The following SMPD3 variants were observed in gnomAD, a reference collection of about 807,000 sequenced individuals.
SMPD3 encodes the protein sphingomyelin phosphodiesterase 3.
A neutral mutation model predicts 55.7 loss-of-function variants in SMPD3; 21 were observed. The ratio of observed to expected loss-of-function variants is 0.38; its 90% CI spans 0.27 to 0.54. SMPD3 has a LOEUF of 0.54. SMPD3 is among the 20% of genes least tolerant of loss of function. The pLI is 0.80. For synonymous variants in SMPD3, 457 were observed against 404.3 expected (o/e 1.13, Z -1.56); for missense variants, 842 against 899.6 (o/e 0.94, Z 0.82).
chr16:68,402,275 G>T (rs978530796), intron 1 of SMPD3, among the ~76,000 whole-genome samples: 1 of 152,146 alleles, frequency 6.6e-6, no homozygotes, highest in African/African-American at 2.4e-5. Context: ...TATAAAATGG[G>T]GAAGGTATGT....
rs896508073 is a variant in SMPD3 at position 68,359,607 on chromosome 16, C to T, written c.*1599G>A. The T allele has an allele frequency of 6.5e-6, 1 of 152,778 alleles. No homozygotes were observed. The highest frequency in any genetic ancestry group is 2.4e-5 in the African/African-American group (1 of 41,462). 9.5% of individuals were successfully genotyped at this position (152,778 alleles called of 1,614,324 possible). ...ACAAGGCACAGCATCAGGGCACCAG[C>T]ACCAGGAGGGGCTGACAGCAGACAG... On this transcript the variant is annotated 3_prime_UTR_variant, in exon 9 of 9. Coordinates refer to ENST00000219334, the MANE Select transcript of SMPD3 (RefSeq NM_018667.4).
chr16:68,437,574 T>A (rs1456403296), intron 1 of SMPD3, among the ~76,000 whole-genome samples: 1 of 152,196 alleles, frequency 6.6e-6, no homozygotes, highest in Admixed American at 6.5e-5. Flanking sequence ...TCTGGAATCC[T>A]AGCATGACTT....
At chr16:68,431,465 C>T (rs1018201324) in intron 1 of SMPD3, among the ~76,000 whole-genome samples, 4 of 152,222 alleles carry the variant, frequency 2.6e-5, no homozygotes, top group Admixed American at 6.5e-5. Context: ...GTCTTGCTGG[C>T]GATTGTATCA....
chr16:68,428,273 G>A (rs2090452650), intron 1 of SMPD3, among the ~76,000 whole-genome samples: 1 of 152,184 alleles, frequency 6.6e-6, no homozygotes, highest in Admixed American at 6.5e-5. Flanking sequence ...GGAAGCAGAG[G>A]GCAATAAACC....
chr16:68,413,070 C>T (rs973749229), intron 1 of SMPD3, among the ~76,000 whole-genome samples: 3 of 152,328 alleles, frequency 2.0e-5, no homozygotes, highest in Middle Eastern at 6.8e-3. Flanking sequence ...TCACCCTTGG[C>T]GTGGCTCAAG....
Position 68,361,253 on chromosome 16 carries a change from G to C in SMPD3, c.1921C>G (p.Pro641Ala), listed in dbSNP as rs745876293. The C allele has an allele frequency of 5.0e-6, 8 of 1,613,360 alleles. No individual in the cohort carries two copies. The South Asian group carries it at 8.8e-5, about 18-fold the overall frequency. The stretch of plus-strand genomic sequence containing the variant: ...GACACCATCAGTCGCATGGCTACTG[G>C]CAGGTGGTCCGTCAGGCCGGACAGC... ...TQLSGLTDHL[P>A]VAMRLMVSSG... is the part of the protein sequence containing the mutation. Residue 641 changes from proline to alanine, a missense_variant, in exon 9 of 9, where the codon CCA becomes GCA. Physicochemically the swap from Pro to Ala is conservative, Grantham distance 27. Around this residue, in one of 2 missense-constraint regions of SMPD3, gnomAD observed 649 missense variants for 643.6 expected, o/e 1.01. Coordinates refer to ENST00000219334, the MANE Select transcript of SMPD3 (RefSeq NM_018667.4).
At chr16:68,408,286 A>G (rs1031754153) in intron 1 of SMPD3, among the ~76,000 whole-genome samples, 7 of 152,230 alleles carry the variant, frequency 4.6e-5, no homozygotes, top group Non-Finnish European at 1.0e-4. Context: ...TGGAAAGACA[A>G]TGAAAAAGCT....
At chr16:68,379,767 C>T (rs955686892) in intron 2 of SMPD3, among the ~76,000 whole-genome samples, 2 of 152,200 alleles carry the variant, frequency 1.3e-5, no homozygotes, top group African/African-American at 2.4e-5. Context: ...ATTACTGCAC[C>T]GTGTGATTTC....
chr16:68,427,590 T>G (rs968308903), intron 1 of SMPD3, among the ~76,000 whole-genome samples: 1 of 152,236 alleles, frequency 6.6e-6, no homozygotes, highest in Non-Finnish European at 1.5e-5. Flanking sequence ...TAATTTAATC[T>G]TATTTATTTA....
chr16:68,364,199 C>T (rs1037022708), intron 5 of SMPD3, among the ~76,000 whole-genome samples: 9 of 152,350 alleles, frequency 5.9e-5, no homozygotes, highest in African/African-American at 1.9e-4. Context: ...TTATTTACAG[C>T]AAGTGTTTGC....
At chr16:68,419,982 CTTTT>C (rs34861442) in intron 1 of SMPD3, among the ~76,000 whole-genome samples, 47 of 140,378 alleles carry the variant, frequency 3.3e-4, no homozygotes, top group East Asian at 4.2e-4. Context: ...ATAGCTATTG[CTTTT>C]TTTTTTTTTT....
At chr16:68,398,634 C>T (rs2090180820) in intron 1 of SMPD3, among the ~76,000 whole-genome samples, 2 of 152,134 alleles carry the variant, frequency 1.3e-5, no homozygotes, top group Admixed American at 6.5e-5. Context: ...CAAAATTATC[C>T]CATAAATTGC....
chr16:68,403,336 G>C (rs765583874), intron 1 of SMPD3, among the ~76,000 whole-genome samples: 10 of 152,152 alleles, frequency 6.6e-5, no homozygotes, highest in Non-Finnish European at 1.2e-4. Context: ...TGTTGGATCT[G>C]TGACACCAAG....
Position 68,371,387 on chromosome 16 carries a change from G to T in SMPD3, c.795C>A (p.Gly265=). Residue 265 remains glycine (G), a synonymous_variant, in exon 3 of 9, where the codon GGC becomes GGA. Coordinates refer to ENST00000219334, the MANE Select transcript of SMPD3 (RefSeq NM_018667.4). The part of the protein sequence containing the change: ...PPEADDPVPG[G]QARNGAGGGP... ...CCCCGCCAGCTCCGTTCCTGGCCTG[G>T]CCCCCAGGCACAGGGTCGTCAGCTT... 6.4e-7 allele frequency: 1 copy of T among 1,567,566 alleles called. No individual in the cohort carries two copies.
At chr16:68,401,205 C>T (rs2090202398) in intron 1 of SMPD3, among the ~76,000 whole-genome samples, 1 of 152,196 alleles carries the variant, frequency 6.6e-6, no homozygotes. Context: ...TGCGTCTCAC[C>T]CCTTTTCTGC....
At chr16:68,428,052 A>G (rs1294104863) in intron 1 of SMPD3, among the ~76,000 whole-genome samples, 1 of 151,132 alleles carries the variant, frequency 6.6e-6, no homozygotes, top group Non-Finnish European at 1.5e-5. Context: ...TAGACTTCCC[A>G]TGAGCTATGT....
intron 1 of SMPD3, among the ~76,000 whole-genome samples, chr16:68,397,569 G>T (rs139847121): frequency 2.0e-5 from 3 of 152,124 alleles, no homozygotes; most frequent in African/African-American, 7.2e-5. Context: ...TACCCTCCCC[G>T]CTGAGAACTC....
intron 2 of SMPD3, among the ~76,000 whole-genome samples, chr16:68,374,000 G>A (rs1040517844): frequency 2.0e-5 from 3 of 152,218 alleles, no homozygotes; most frequent in African/African-American, 7.2e-5. Context: ...TGTCTCCACC[G>A]GTGGCTCTCA....
rs993608734 is a variant in SMPD3, at chr16:68,447,175, G to T, written c.-269+1178C>A. On this transcript the variant is annotated intron_variant, in intron 1 of 8. Coordinates refer to ENST00000219334, the MANE Select transcript of SMPD3 (RefSeq NM_018667.4). This position sits in a 1 kb window ranked among gnomAD's most constrained non-coding sequence, Gnocchi z 5.1. ...TTGTCCTCTCGAGGATGCCTGGGCC[G>T]AGCGCGAAAGCCCCATGCCTTGGAA... Among the ~76,000 whole-genome samples the T allele has an allele frequency of 6.6e-6, 1 of 152,120 alleles. No individual in the cohort carries two copies. The highest frequency in any genetic ancestry group is 2.4e-5 in the African/African-American group (1 of 41,444).
Sources: allele counts gnomAD v4.1 joint callset (sites outside exome capture counted in the v4.1 genomes callset), GRCh38; gene constraint gnomAD v4.1.1; regional missense constraint gnomAD v4.1.1; non-coding constraint Gnocchi (gnomAD v3.1); transcripts MANE v1.5; gene names NCBI Gene and HGNC (gene_info 2026-07-23, HGNC 2026-07-21).